The following NCKAP5 variants were observed in gnomAD, a reference collection of about 807,000 sequenced individuals.
The protein encoded by NCKAP5 is nck-associated protein 5.
NCKAP5 carries 92 observed loss-of-function variants against 167.0 expected under a neutral mutation model. The observed-to-expected ratio is 0.55, with a 90% CI of 0.47 to 0.66. NCKAP5 has a LOEUF of 0.66. Among genes scored for constraint, NCKAP5 ranks in the 30% least tolerant of loss-of-function variants. NCKAP5 has a pLI of 0.00. For missense variants in NCKAP5, 2,378 were observed against 2,315.0 expected (o/e 1.03, Z -0.56); for synonymous variants, 891 against 877.4 (o/e 1.02, Z -0.27).
chr2:133,483,784 G>T (rs1320411762), intron 3 of NCKAP5, among the ~76,000 whole-genome samples: 1 of 152,098 alleles, frequency 6.6e-6, no homozygotes, highest in African/African-American at 2.4e-5. Flanking sequence ...TCGCTCAGGG[G>T]ACTTTTAATA....
At chr2:132,894,800 G>C (rs1231014093) in intron 8 of NCKAP5, among the ~76,000 whole-genome samples, 5 of 152,100 alleles carry the variant, frequency 3.3e-5, no homozygotes, top group Admixed American at 2.0e-4. Context: ...CCTCCGCCCT[G>C]CTCCCCAATT....
rs547904183 is a variant in NCKAP5, at chr2:132,790,151, T to G, written c.964A>C (p.Ile322Leu). 1 of 1,613,602 alleles carries G rather than the reference T, an allele frequency of 6.2e-7. No homozygotes were observed. Among genetic ancestry groups the G allele is most frequent in the Admixed American group, 1.7e-5 (1 of 59,946 alleles). Residue 322 changes from isoleucine to leucine, a missense_variant, in exon 13 of 20, where the codon ATC becomes CTC. Transcript: ENST00000409261. The part of the protein sequence containing the change: ...ALKCPGLGAV[I>L]PGHLCPRNSY... Reference sequence around the variant, plus strand: ...TTTCGAGGACAGAGATGACCAGGGATGACAGCCCCCAAGCCAGGGCATTTC... The same window carrying G: ...TTTCGAGGACAGAGATGACCAGGGAGGACAGCCCCCAAGCCAGGGCATTTC...
In NCKAP5 at chr2:132,785,394, C is replaced by A; in HGVS notation, c.1417G>T (p.Asp473Tyr). 6.2e-7 allele frequency: 1 copy of A among 1,613,988 alleles called. No homozygotes were observed. The highest frequency in any genetic ancestry group is 8.5e-7 in the Non-Finnish European group (1 of 1,179,908). The change falls in exon 14 of 20, where the codon GAT becomes TAT. Residue 473 changes from aspartate to tyrosine, a missense_variant. Coordinates refer to ENST00000409261, the MANE Select transcript of NCKAP5 (RefSeq NM_207363.3). ...EPHKTFVYDLDSHVDADDDPS... is the reference protein window; with the variant it reads ...EPHKTFVYDLYSHVDADDDPS... ...TCATCGTCCGCATCAACGTGGGAAT[C>A]TAGATCATAAACAAATGTCTTGTGG...
At chr2:132,759,959 G>A (rs1680864419) in intron 16 of NCKAP5, among the ~76,000 whole-genome samples, 1 of 150,700 alleles carries the variant, frequency 6.6e-6, no homozygotes, top group African/African-American at 2.4e-5. Context: ...TACTAGATGG[G>A]AAATTTTATA....
At chr2:132,901,330 A>G (rs1040032674) in intron 8 of NCKAP5, among the ~76,000 whole-genome samples, 2 of 152,172 alleles carry the variant, frequency 1.3e-5, no homozygotes, top group African/African-American at 2.4e-5. Flanking sequence ...TATCTAGTCA[A>G]TTGCTCTGGA....
At chr2:132,712,358 T>A (rs1374364085) in intron 19 of NCKAP5, among the ~76,000 whole-genome samples, 1 of 152,172 alleles carries the variant, frequency 6.6e-6, no homozygotes, top group African/African-American at 2.4e-5. Context: ...CTTAGAACTA[T>A]GTTGGGATTC....
intron 4 of NCKAP5, among the ~76,000 whole-genome samples, chr2:133,238,797 G>T (rs965321822): frequency 1.3e-5 from 2 of 152,126 alleles, no homozygotes; most frequent in Admixed American, 6.6e-5. Context: ...AGGGGCCAAG[G>T]TCCTGCTTCC....
chr2:133,291,087 T>G (rs922801686), intron 4 of NCKAP5, among the ~76,000 whole-genome samples: 1 of 152,208 alleles, frequency 6.6e-6, no homozygotes, highest in Non-Finnish European at 1.5e-5. Flanking sequence ...GTATCCATAA[T>G]GTGCTAAGTC....
intron 3 of NCKAP5, among the ~76,000 whole-genome samples, chr2:133,313,462 T>C (rs1681391195): frequency 6.6e-6 from 1 of 152,160 alleles, no homozygotes; most frequent in South Asian, 2.1e-4. Flanking sequence ...TACTAATACT[T>C]AGATATTCTT....
At position 133,543,242 on chromosome 2, in the gene NCKAP5, T is replaced by C. The variant is rs139591186; in HGVS notation, c.-62+15808A>G. ...TCTTGTTCACTCTCTCGCCATGTGA[T>C]ATACCGGCTCCCCCTTTGTCTTCCA... is the stretch of plus-strand genomic sequence containing the variant. On this transcript the variant is annotated intron_variant, in intron 2 of 19. Coordinates refer to ENST00000409261, the MANE Select transcript of NCKAP5 (RefSeq NM_207363.3). Among the ~76,000 whole-genome samples, 692 of 152,238 alleles carry C rather than the reference T, an allele frequency of 4.5e-3. 6 individuals carry two copies. The highest frequency in any genetic ancestry group is 0.02 in the Middle Eastern group (6 of 294).
Position 133,093,030 on chromosome 2 carries a change from T to C in NCKAP5, c.341+36948A>G, listed in dbSNP as rs80030694. 5.8e-4 allele frequency among the ~76,000 whole-genome samples: 89 copies of C among 152,316 alleles called. No homozygotes were observed. In the East Asian group the frequency reaches 0.017, roughly 29 times the overall value. On this transcript the variant is annotated intron_variant, in intron 6 of 19. Transcript: ENST00000409261. Reference sequence around the variant, plus strand: ...ACATGCTGAGCTCTGTGCCTTACCTTCCTCATCTGTAAAATGGAAATAATA... The same window carrying C: ...ACATGCTGAGCTCTGTGCCTTACCTCCCTCATCTGTAAAATGGAAATAATA...
intron 4 of NCKAP5, among the ~76,000 whole-genome samples, chr2:133,299,633 C>A (rs938067862): frequency 1.3e-5 from 2 of 152,078 alleles, no homozygotes; most frequent in African/African-American, 4.8e-5. Context: ...CACCTGTAAT[C>A]CCAGCTACAC....
At chr2:133,498,374 T>G in intron 3 of NCKAP5, among the ~76,000 whole-genome samples, 1 of 140,820 alleles carries the variant, frequency 7.1e-6, no homozygotes, top group Admixed American at 7.4e-5. Flanking sequence ...GGGAGCAGAG[T>G]AAAAGTGGGA....
At chr2:132,945,510 G>A (rs538404414) in intron 8 of NCKAP5, among the ~76,000 whole-genome samples, 3 of 151,828 alleles carry the variant, frequency 2.0e-5, no homozygotes, top group South Asian at 2.1e-4. Context: ...CCCACAGCAC[G>A]AATCGATGGA....
At chr2:132,760,736 A>T (rs555209045) in intron 16 of NCKAP5, among the ~76,000 whole-genome samples, 8 of 152,352 alleles carry the variant, frequency 5.3e-5, no homozygotes, top group African/African-American at 1.9e-4. Context: ...TCCAAGGAGT[A>T]CTGTTAACCT....
At chr2:133,568,752 G>C (rs1199489158), upstream of NCKAP5, among the ~76,000 whole-genome samples, 28 of 152,148 alleles carry the variant, frequency 1.8e-4, no homozygotes, top group Non-Finnish European at 1.5e-5. Context: ...GGAAAAGTTT[G>C]AAGTGCCAGC....
chr2:133,043,317 A>G (rs1007891316), intron 6 of NCKAP5, among the ~76,000 whole-genome samples: 6 of 152,160 alleles, frequency 3.9e-5, no homozygotes, highest in Admixed American at 1.3e-4. Context: ...TAAATTAATA[A>G]ATTATGCATA....
chr2:132,961,078 C>T (rs2076497434), intron 8 of NCKAP5, among the ~76,000 whole-genome samples: 1 of 151,938 alleles, frequency 6.6e-6, no homozygotes, highest in Admixed American at 6.6e-5. Flanking sequence ...ATAATTAATT[C>T]CCCTGCAATC....
chr2:133,133,556 T>C (rs996332563), intron 5 of NCKAP5, among the ~76,000 whole-genome samples: 3 of 152,222 alleles, frequency 2.0e-5, no homozygotes, highest in Admixed American at 6.5e-5. Context: ...CAGGCTCTTC[T>C]TTCCCTTTAC....
Sources: allele counts gnomAD v4.1 joint callset (sites outside exome capture counted in the v4.1 genomes callset), GRCh38; gene constraint gnomAD v4.1.1; transcripts MANE v1.5; gene names NCBI Gene and HGNC (gene_info 2026-07-23, HGNC 2026-07-21).